The following GDPD1 variants were observed in gnomAD, a reference collection of about 807,000 sequenced individuals.
GDPD1 encodes lysophospholipase D GDPD1.
Under a neutral mutation model 45.1 loss-of-function variants are expected in GDPD1, and 28 were observed. The ratio of observed to expected loss-of-function variants is 0.62; its 90% CI spans 0.46 to 0.85. The LOEUF (loss-of-function observed/expected upper bound fraction) is 0.85, where lower values mean the gene tolerates loss of function less well. Ranked by LOEUF, GDPD1 falls within the 40% of genes least tolerant of loss-of-function variation. The pLI is 0.00. For synonymous variants in GDPD1, 139 were observed against 131.4 expected, an observed-to-expected ratio of 1.06 and a Z score of -0.40; for missense variants, 256 against 364.8, an observed-to-expected ratio of 0.70 and a Z score of 2.43.
At chr17:59,265,316 C>CTTG (rs1176759606) in intron 6 of GDPD1, among the ~76,000 whole-genome samples, 1 of 151,798 alleles carries the variant, frequency 6.6e-6, no homozygotes, top group African/African-American at 2.4e-5. Flanking sequence ...AGGAGAAATG[C>CTTG]TTGTGCCCAG....
chr17:59,230,839 T>C (rs2047083777), intron 1 of GDPD1, among the ~76,000 whole-genome samples: 1 of 152,184 alleles, frequency 6.6e-6, no homozygotes, highest in South Asian at 2.1e-4. Flanking sequence ...ATAATCCTGA[T>C]GAAACAACAC....
At chr17:59,233,118 G>A (rs1312287455) in intron 1 of GDPD1, among the ~76,000 whole-genome samples, 1 of 152,032 alleles carries the variant, frequency 6.6e-6, no homozygotes, top group East Asian at 1.9e-4. Context: ...TAGGAGGCTG[G>A]GGCACAAGAA....
intron 4 of GDPD1, among the ~76,000 whole-genome samples, chr17:59,251,791 A>AGGTTAGGAGTT: frequency 6.6e-6 from 1 of 151,504 alleles, no homozygotes; most frequent in Middle Eastern, 3.4e-3. Flanking sequence ...GGATCACTTG[A>AGGTTAGGAGTT]TCCCAGGGGT....
At chr17:59,247,110 G>T (rs908531042) in intron 3 of GDPD1, among the ~76,000 whole-genome samples, 18 of 152,012 alleles carry the variant, frequency 1.2e-4, no homozygotes, top group Non-Finnish European at 7.4e-5. Flanking sequence ...TTTTAGAGAC[G>T]TCTGGGTTTA....
chr17:59,255,859 A>ACG (rs2047303643), intron 4 of GDPD1, among the ~76,000 whole-genome samples: 1 of 82,226 alleles, frequency 1.2e-5, no homozygotes, highest in Non-Finnish European at 2.1e-5. Flanking sequence ...ATACACACGT[A>ACG]TATATATATA....
In GDPD1 at chr17:59,249,864, A is replaced by C. The variant is rs2047239835; in HGVS notation, c.367+1079A>C. Among the ~76,000 whole-genome samples the C allele has an allele frequency of 2.0e-5, 3 of 152,262 alleles. No individual in the cohort carries two copies. In the South Asian group the frequency reaches 6.2e-4, roughly 32 times the overall value. ...TCCATTTATATTAATTTTTTAAAAG[A>C]ACTATAACTGCTCCGTGAACTAGAT... On this transcript the variant is annotated intron_variant, in intron 4 of 9. Transcript: ENST00000284116.
chr17:59,238,157 A>G (rs1039345257), intron 2 of GDPD1, among the ~76,000 whole-genome samples: 11 of 150,328 alleles, frequency 7.3e-5, no homozygotes, highest in African/African-American at 2.7e-4. Context: ...AATCCCAGCT[A>G]CTTGGGAGGC....
chr17:59,254,544 T>A (rs932999355), intron 4 of GDPD1, among the ~76,000 whole-genome samples: 3 of 151,850 alleles, frequency 2.0e-5, no homozygotes, highest in Non-Finnish European at 4.4e-5. Flanking sequence ...TATATATACA[T>A]ATATATATAA....
chr17:59,245,136 T>C (rs2047200787), intron 2 of GDPD1, among the ~76,000 whole-genome samples: 1 of 152,246 alleles, frequency 6.6e-6, no homozygotes, highest in Non-Finnish European at 1.5e-5. Context: ...AAAGCAGGAA[T>C]TAATATCAAA....
intron 6 of GDPD1, among the ~76,000 whole-genome samples, chr17:59,260,245 T>C (rs1431428447): frequency 6.6e-6 from 1 of 151,462 alleles, no homozygotes; most frequent in African/African-American, 2.4e-5. Flanking sequence ...ATTTTCTGGT[T>C]AAAGAAAATA....
chr17:59,250,641 G>T (rs1404339303), intron 4 of GDPD1, among the ~76,000 whole-genome samples: 1 of 135,974 alleles, frequency 7.4e-6, no homozygotes, highest in Non-Finnish European at 1.5e-5. Context: ...AATCCTTTGA[G>T]GAAAAAAAAA....
intron 7 of GDPD1, among the ~76,000 whole-genome samples, chr17:59,268,598 A>AG: frequency 6.8e-6 from 1 of 147,034 alleles, no homozygotes; most frequent in Admixed American, 6.8e-5. Flanking sequence ...AAAAAAAAAA[A>AG]AAAAGAAAAG....
intron 1 of GDPD1, among the ~76,000 whole-genome samples, chr17:59,222,571 G>C (rs1219330793): frequency 1.5e-5 from 2 of 133,048 alleles, no homozygotes; most frequent in Non-Finnish European, 3.1e-5. Context: ...CTACAGTGTA[G>C]TGGTGCCATC....
chr17:59,243,464 G>A (rs964733809), intron 2 of GDPD1, among the ~76,000 whole-genome samples: 5 of 151,062 alleles, frequency 3.3e-5, no homozygotes, highest in African/African-American at 7.3e-5. Flanking sequence ...AGACTGTGCC[G>A]TTGCATTCCA....
intron 4 of GDPD1, among the ~76,000 whole-genome samples, chr17:59,253,401 G>A (rs1469356476): frequency 6.6e-6 from 1 of 152,010 alleles, no homozygotes; most frequent in African/African-American, 2.4e-5. Context: ...ATCAGGTCTC[G>A]CTATGTTGGT....
chr17:59,245,141 A>G (rs1339439012), intron 2 of GDPD1, among the ~76,000 whole-genome samples: 3 of 152,244 alleles, frequency 2.0e-5, no homozygotes, highest in African/African-American at 7.2e-5. Context: ...AGGAATTAAT[A>G]TCAAATCTCT....
At chr17:59,236,954 G>A (rs545603636) in intron 2 of GDPD1, among the ~76,000 whole-genome samples, 28 of 152,246 alleles carry the variant, frequency 1.8e-4, no homozygotes, top group African/African-American at 6.5e-4. Flanking sequence ...TTACACATTA[G>A]TGCCCTTGCT....
chr17:59,242,480 T>G (rs1002088629), intron 2 of GDPD1, among the ~76,000 whole-genome samples: 5 of 152,234 alleles, frequency 3.3e-5, no homozygotes, highest in Non-Finnish European at 7.3e-5. Context: ...CTCACTTTCC[T>G]ACTCCCATTC....
At chr17:59,235,935 T>TTC (rs2047128648) in intron 2 of GDPD1, among the ~76,000 whole-genome samples, 1 of 152,126 alleles carries the variant, frequency 6.6e-6, no homozygotes, top group Admixed American at 6.6e-5. Context: ...TAGCTAGCCA[T>TTC]AACTAAATAT....
Sources: allele counts gnomAD v4.1 joint callset (sites outside exome capture counted in the v4.1 genomes callset), GRCh38; gene constraint gnomAD v4.1.1; transcripts MANE v1.5; gene names NCBI Gene and HGNC (gene_info 2026-07-23, HGNC 2026-07-21).